SLC9A2: variants seen among roughly 807,000 people sequenced by gnomAD.
The protein encoded by SLC9A2 is solute carrier family 9 member A2.
SLC9A2 carries 42 observed loss-of-function variants against 71.7 expected under a neutral mutation model. That is an observed-to-expected ratio of 0.59 (90% CI 0.46 to 0.76). SLC9A2 has a LOEUF of 0.76. SLC9A2 is among the 30% of genes least tolerant of loss of function. SLC9A2 has a pLI of 0.00. For missense variants in SLC9A2, 829 were observed against 1,017.4 expected, an observed-to-expected ratio of 0.81 and a Z score of 2.52; for synonymous variants, 396 against 392.5, an observed-to-expected ratio of 1.01 and a Z score of -0.10.
At chr2:102,632,887 G>A (rs1676402290) in intron 1 of SLC9A2, among the ~76,000 whole-genome samples, 1 of 152,170 alleles carries the variant, frequency 6.6e-6, no homozygotes, top group Middle Eastern at 3.2e-3. Flanking sequence ...GAAAATCACA[G>A]GGCAGTGAAA....
At chr2:102,670,849 C>CTTTTTTTTTTTT (rs10687841) in intron 3 of SLC9A2, among the ~76,000 whole-genome samples, 11 of 75,872 alleles carry the variant, frequency 1.4e-4, no homozygotes, top group Non-Finnish European at 2.4e-4. Context: ...GGAAGGCATG[C>CTTTTTTTTTTTT]TTTTTTTTTT....
chr2:102,638,548 G>A (rs1264378217), intron 1 of SLC9A2, among the ~76,000 whole-genome samples: 1 of 152,220 alleles, frequency 6.6e-6, no homozygotes, highest in Non-Finnish European at 1.5e-5. Context: ...TGAGTTCATC[G>A]TCTGTGAAAG....
intron 1 of SLC9A2, among the ~76,000 whole-genome samples, chr2:102,632,177 C>T (rs12622468): frequency 3.8e-5 from 4 of 105,076 alleles, no homozygotes; most frequent in Admixed American, 1.9e-4. Context: ...CATATATATA[C>T]ATACATATAT....
chr2:102,674,550 G>A (rs1214292557), intron 3 of SLC9A2, among the ~76,000 whole-genome samples: 1 of 152,190 alleles, frequency 6.6e-6, no homozygotes, highest in Admixed American at 6.5e-5. Flanking sequence ...TGGCCAAGTG[G>A]CCCTGATTCT....
chr2:102,639,265 A>G (rs1676527228), intron 1 of SLC9A2, among the ~76,000 whole-genome samples: 1 of 152,256 alleles, frequency 6.6e-6, no homozygotes, highest in Non-Finnish European at 1.5e-5. Context: ...ATAGGCTATC[A>G]TTCACTCAAC....
intron 10 of SLC9A2, 35 bp downstream of exon 10, chr2:102,704,710 G>T: frequency 1.3e-6 from 2 of 1,597,254 alleles, no homozygotes; most frequent in South Asian, 2.2e-5. Context: ...GACTTCCAGG[G>T]GTGGAGCCGA....
chr2:102,657,499 C>A lies in SLC9A2; in HGVS notation c.290-65C>A, dbSNP rs569851593. On this transcript the variant is annotated intron_variant, in intron 1 of 11. Coordinates refer to ENST00000233969, the MANE Select transcript of SLC9A2 (RefSeq NM_003048.6). ...GACCCACTGGTTCTATCAAAGGGAA[C>A]CAATTTCCTGTCTCCCAAATTCCTC... The A allele has an allele frequency of 4.5e-6, 5 of 1,121,780 alleles. No individual in the cohort carries two copies. The East Asian group carries it at 7.6e-5, about 17-fold the overall frequency. The allele number at this position is 1,121,780 out of a possible 1,614,324, so 69.5% of individuals were successfully genotyped here. A position where few individuals can be genotyped will look rare whatever the true frequency, so the allele number is the denominator to read the frequency against.
intron 7 of SLC9A2, among the ~76,000 whole-genome samples, chr2:102,696,166 G>A (rs1677765056): frequency 6.6e-6 from 1 of 152,000 alleles, no homozygotes; most frequent in East Asian, 1.9e-4. Flanking sequence ...TGTCCAGAGT[G>A]GTTGCTTGAA....
At chr2:102,694,571 G>T (rs563466859) in intron 6 of SLC9A2, 68 bp downstream of exon 6, 4 of 713,414 alleles carry the variant, frequency 5.6e-6, no homozygotes, top group African/African-American at 3.6e-5. Context: ...CAAACAGCTT[G>T]GTACCACGTT....
At chr2:102,702,524 A>G (rs1026811093) in intron 9 of SLC9A2, 22 bp downstream of exon 9, 1 of 1,384,494 alleles carries the variant, frequency 7.2e-7, no homozygotes, top group Non-Finnish European at 1.0e-6. Context: ...TTATGTAGCA[A>G]AATATTTACT....
intron 1 of SLC9A2, among the ~76,000 whole-genome samples, chr2:102,640,848 G>A (rs919888735): frequency 6.6e-6 from 1 of 152,084 alleles, no homozygotes; most frequent in Non-Finnish European, 1.5e-5. Context: ...GCTATCTAGG[G>A]ACTCCCAGCC....
At chr2:102,694,361 T>G in intron 5 of SLC9A2, 53 bp from the exon 6 acceptor site, 3 of 679,414 alleles carry the variant, frequency 4.4e-6, no homozygotes, top group South Asian at 9.0e-5. Context: ...TATTAAACAA[T>G]TTATAAATTG....
intron 1 of SLC9A2, among the ~76,000 whole-genome samples, chr2:102,626,176 G>A (rs372674303): frequency 3.9e-5 from 6 of 152,000 alleles, no homozygotes; most frequent in African/African-American, 1.2e-4. Flanking sequence ...AAACTATACT[G>A]CAAGGCTACA....
chr2:102,651,130 A>G (rs1418107294), intron 1 of SLC9A2, among the ~76,000 whole-genome samples: 1 of 151,842 alleles, frequency 6.6e-6, no homozygotes, highest in African/African-American at 2.4e-5. Flanking sequence ...TATGCCCCCC[A>G]TCCCCCTCCT....
intron 3 of SLC9A2, among the ~76,000 whole-genome samples, chr2:102,677,147 A>G (rs1573422066): frequency 6.6e-6 from 1 of 152,214 alleles, no homozygotes; most frequent in Non-Finnish European, 1.5e-5. Flanking sequence ...GTAGAAAAGA[A>G]ATAAATATCT....
chr2:102,704,344 A>G (rs1250479916), intron 9 of SLC9A2, among the ~76,000 whole-genome samples, 200 bp from the exon 10 acceptor site: 2 of 152,162 alleles, frequency 1.3e-5, no homozygotes, highest in African/African-American at 2.4e-5. Context: ...CACAAAATGA[A>G]AAGAAAATAT....
intron 1 of SLC9A2, among the ~76,000 whole-genome samples, chr2:102,642,023 AG>A (rs61090494): frequency 0.38 from 57,281 of 150,490 alleles, 11,671 homozygotes; most frequent in East Asian, 0.68. Context: ...GTTATGCACA[AG>A]TACCCTAGAA....
chr2:102,643,315 A>G (rs1676648193), intron 1 of SLC9A2, among the ~76,000 whole-genome samples: 1 of 151,964 alleles, frequency 6.6e-6, no homozygotes, highest in African/African-American at 2.4e-5. Context: ...GGTGTTCCTT[A>G]CACTCTGGTG....
intron 3 of SLC9A2, among the ~76,000 whole-genome samples, chr2:102,681,319 G>C (rs1188222857): frequency 6.7e-6 from 1 of 150,156 alleles, no homozygotes; most frequent in African/African-American, 2.5e-5. Context: ...CAATCCTCCT[G>C]CCTTGGCCTC....
Sources: gnomAD v4.1 joint callset for allele counts (sites outside exome capture counted in the v4.1 genomes callset) on GRCh38, gnomAD v4.1.1 for gene constraint, MANE v1.5 for transcripts, NCBI Gene and HGNC (gene_info 2026-07-23, HGNC 2026-07-21) for gene names.